Variants in THEMIS2 observed in about 807,000 individuals in gnomAD.
The protein encoded by THEMIS2 is thymocyte selection associated family member 2.
Under a neutral mutation model 46.8 loss-of-function variants are expected in THEMIS2, and 29 were observed. The ratio of observed to expected loss-of-function variants is 0.62; its 90% CI spans 0.46 to 0.84. The LOEUF (loss-of-function observed/expected upper bound fraction) is 0.84. THEMIS2 is among the 40% of genes least tolerant of loss of function. The pLI is 0.00. For missense variants in THEMIS2, 698 were observed against 834.7 expected, an observed-to-expected ratio of 0.84 and a Z score of 2.02; for synonymous variants, 335 against 349.1, an observed-to-expected ratio of 0.96 and a Z score of 0.45.
rs1170835780 is a variant in THEMIS2, at chr1:27,882,965, C to A, written c.1641C>A (p.Ile547=). 2 of 1,613,758 alleles carry A rather than the reference C, an allele frequency of 1.2e-6. No homozygotes were observed. The highest frequency in any genetic ancestry group is 2.2e-5 in the South Asian group (2 of 91,036). The change falls in exon 4 of 6, where the codon ATC becomes ATA. Residue 547 remains isoleucine, a synonymous_variant. Coordinates refer to ENST00000373921, the MANE Select transcript of THEMIS2 (RefSeq NM_001105556.3). The surrounding 1 kb of genome is among the most constrained non-coding windows in gnomAD (Gnocchi z 7.6). Reference sequence around the variant, plus strand: ...TTCGGAAGTTACCAGCCTGTGAGATCCAAGCCCCCCCACCCAGGCCCCCTA... The same window carrying A: ...TTCGGAAGTTACCAGCCTGTGAGATACAAGCCCCCCCACCCAGGCCCCCTA... The part of the protein sequence containing the change: ...YRLRKLPACE[I]QAPPPRPPKN...
intron 1 of THEMIS2, among the ~76,000 whole-genome samples, chr1:27,873,492 C>A (rs962757181): frequency 6.6e-6 from 1 of 152,066 alleles, no homozygotes; most frequent in Non-Finnish European, 1.5e-5. Flanking sequence ...CGAACTGAGG[C>A]TTGAAGGCCC....
At chr1:27,877,601 A>C (rs963965622) in intron 2 of THEMIS2, among the ~76,000 whole-genome samples, 9 of 152,094 alleles carry the variant, frequency 5.9e-5, no homozygotes, top group Non-Finnish European at 1.3e-4. Flanking sequence ...TGCTGGGATT[A>C]CAGGCATGAG....
intron 4 of THEMIS2, 52 bp from the exon 5 acceptor site, chr1:27,885,243 T>G (rs1385732454): frequency 1.6e-5 from 26 of 1,594,494 alleles, no homozygotes; most frequent in Middle Eastern, 1.7e-4. Flanking sequence ...TTTCATGGAC[T>G]CTGCTTCCCC....
rs1262875329 is a variant in THEMIS2 at position 27,882,608 on chromosome 1, C to A, written c.1284C>A (p.Gly428=). The change falls in exon 4 of 6, where the codon GGC becomes GGA. Residue 428 remains glycine, a synonymous_variant. Coordinates refer to ENST00000373921, the MANE Select transcript of THEMIS2 (RefSeq NM_001105556.3). This position sits in a 1 kb window ranked among gnomAD's most constrained non-coding sequence, Gnocchi z 7.6. ...TCCTGCTGCCCTTCCACTTCCCTGGCAGTTTCGTGGAGGAGATGAGTGACA... is the reference window on the plus strand; with the variant it reads ...TCCTGCTGCCCTTCCACTTCCCTGGAAGTTTCGTGGAGGAGATGAGTGACA... ...ERVLLPFHFP[G]SFVEEMSDSR... The A allele has an allele frequency of 1.2e-6, 2 of 1,614,166 alleles. No homozygotes were observed. Among genetic ancestry groups the A allele is most frequent in the Admixed American group, 1.7e-5 (1 of 60,020 alleles).
Position 27,872,698 on chromosome 1 carries a change from C to G in THEMIS2, c.94+33C>G. 1 of 1,275,878 alleles carries G rather than the reference C, an allele frequency of 7.8e-7. No homozygotes were observed. Among genetic ancestry groups the G allele is most frequent in the Non-Finnish European group, 9.9e-7 (1 of 1,005,444 alleles). 79.0% of individuals were successfully genotyped at this position (1,275,878 alleles called of 1,614,324 possible). A position where few individuals can be genotyped will look rare whatever the true frequency, so the allele number is the denominator to read the frequency against. On this transcript the variant is annotated intron_variant, in intron 1 of 5. Transcript: ENST00000373921. The surrounding 1 kb of genome is among the most constrained non-coding windows in gnomAD (Gnocchi z 4.9). ...GGGGCTGGAACCCCTCCGAGCACTC[C>G]CTTGGTGTGGGGCGGGGGCAGAGAC...
At chr1:27,880,146 A>C in intron 3 of THEMIS2, 92 bp downstream of exon 3, 14 of 1,354,716 alleles carry the variant, frequency 1.0e-5, no homozygotes, top group Non-Finnish European at 1.3e-5. Context: ...CCCCCACCCC[A>C]TCCCTGAGGA....
Position 27,879,760 on chromosome 1 carries a change from G to C in THEMIS2, c.352G>C (p.Val118Leu), listed in dbSNP as rs762102564. The C allele has an allele frequency of 1.9e-6, 3 of 1,614,062 alleles. No homozygotes were observed. The highest frequency in any genetic ancestry group is 2.7e-5 in the African/African-American group (2 of 74,912). Residue 118 changes from valine to leucine, a missense_variant, in exon 3 of 6, where the codon GTC becomes CTC. Coordinates refer to ENST00000373921, the MANE Select transcript of THEMIS2 (RefSeq NM_001105556.3). ...PTCFMSTHRIVTEGRVVTEDQ... is the reference protein window; with the variant it reads ...PTCFMSTHRILTEGRVVTEDQ... Reference sequence around the variant, plus strand: ...TTGCTTCATGTCGACCCACAGGATTGTCACAGAGGGCAGGGTGGTGACTGA... The same window carrying C: ...TTGCTTCATGTCGACCCACAGGATTCTCACAGAGGGCAGGGTGGTGACTGA...
chr1:27,882,062 G>A lies in THEMIS2; in HGVS notation c.738G>A (p.Pro246=), dbSNP rs888146271. 5.6e-6 allele frequency: 9 copies of A among 1,614,046 alleles called. No individual in the cohort carries two copies. Among genetic ancestry groups the A allele is most frequent in the South Asian group, 2.2e-5 (2 of 91,088 alleles). Residue 246 remains proline, a synonymous_variant, in exon 4 of 6, where the codon CCG becomes CCA. Transcript: ENST00000373921. The surrounding 1 kb of genome is among the most constrained non-coding windows in gnomAD (Gnocchi z 7.6). ...CCCGGCACGTCCACTTTATCAAACC[G>A]CTGCTGCTGAGCGAGGTCCTGGCCT... The part of the protein sequence containing the change: ...ASSRHVHFIK[P]LLLSEVLAWE...
intron 3 of THEMIS2, 53 bp downstream of exon 3, chr1:27,880,107 G>C: frequency 6.6e-7 from 1 of 1,517,080 alleles, no homozygotes; most frequent in Non-Finnish European, 8.9e-7. Context: ...AAAGAGGGTT[G>C]CCCCTGGGAG....
At chr1:27,876,560 T>C in intron 1 of THEMIS2, 28 bp from the exon 2 acceptor site, 1 of 1,607,760 alleles carries the variant, frequency 6.2e-7, no homozygotes, top group Non-Finnish European at 8.5e-7. Flanking sequence ...CCTTGTCCAA[T>C]GGGGAAATGG....
At position 27,879,608 on chromosome 1, in the gene THEMIS2, C is replaced by T. The variant is rs1382364699; in HGVS notation, c.236-36C>T. On this transcript the variant is annotated intron_variant, in intron 2 of 5. Coordinates refer to ENST00000373921, the MANE Select transcript of THEMIS2 (RefSeq NM_001105556.3). ...AAAGGCCTGCCCCACCCTGACACCC[C>T]ACAGTGACCTGCCTGCTCTCTGCTG... 42 of 1,546,330 alleles carry T rather than the reference C, an allele frequency of 2.7e-5. No homozygotes were observed. The Admixed American group carries it at 7.7e-4, about 28-fold the overall frequency.
At position 27,874,930 on chromosome 1, in the gene THEMIS2, T is replaced by C. The variant is rs550508307; in HGVS notation, c.95-1658T>C. On this transcript the variant is annotated intron_variant, in intron 1 of 5. Transcript: ENST00000373921. ...TCCAGTTCTGCCTCCTATTACCTGA[T>C]CATCATGTACAACCTACTCAGCCCC... Among the ~76,000 whole-genome samples, 149 of 151,726 alleles carry C rather than the reference T, an allele frequency of 9.8e-4. 1 individual carries two copies. The highest frequency in any genetic ancestry group is 3.5e-3 in the African/African-American group (146 of 41,374).
At chr1:27,878,751 T>C (rs2089629707) in intron 2 of THEMIS2, among the ~76,000 whole-genome samples, 1 of 152,132 alleles carries the variant, frequency 6.6e-6, no homozygotes, top group Admixed American at 6.6e-5. Context: ...AAACTTAATT[T>C]TGGTACAGTA....
intron 3 of THEMIS2, 47 bp from the exon 4 acceptor site, chr1:27,881,924 C>T (rs1479020748): frequency 1.3e-6 from 2 of 1,492,522 alleles, no homozygotes; most frequent in East Asian, 2.3e-5. Context: ...GGGTGGGGGC[C>T]ACTCCTGGGG....
At chr1:27,877,180 T>C (rs183484215) in intron 2 of THEMIS2, among the ~76,000 whole-genome samples, 1 of 152,270 alleles carries the variant, frequency 6.6e-6, no homozygotes, top group East Asian at 1.9e-4. Flanking sequence ...GAGAGGGGTC[T>C]GAGCAACAGT....
rs146637443 is a variant in THEMIS2, at chr1:27,874,059, G to A, written c.94+1394G>A. 5.4e-3 allele frequency among the ~76,000 whole-genome samples: 154 copies of A among 28,690 alleles called. No individual in the cohort carries two copies. The African/African-American group carries it at 0.11, about 20-fold the overall frequency. The allele number at this position is 28,690 out of a possible 152,430, so 18.8% of individuals were successfully genotyped here. On this transcript the variant is annotated intron_variant, in intron 1 of 5. Coordinates refer to ENST00000373921, the MANE Select transcript of THEMIS2 (RefSeq NM_001105556.3). Reference sequence around the variant, plus strand: ...TTTTTTTTTTTTTTTTTGAGACAGAGTCTGGCTCTGTTGCCCAGGCTGGAG... The same window carrying A: ...TTTTTTTTTTTTTTTTTGAGACAGAATCTGGCTCTGTTGCCCAGGCTGGAG...
intron 3 of THEMIS2, among the ~76,000 whole-genome samples, chr1:27,880,786 C>G (rs998742559): frequency 1.3e-5 from 2 of 152,052 alleles, no homozygotes; most frequent in Non-Finnish European, 2.9e-5. Context: ...GACCTCATCT[C>G]TCTCTTTTTT....
At chr1:27,879,606 C>T (rs186451576) in intron 2 of THEMIS2, 38 bp from the exon 3 acceptor site, 1,448 of 1,534,348 alleles carry the variant, frequency 9.4e-4, no homozygotes, top group Non-Finnish European at 1.2e-3. Flanking sequence ...ACCCTGACAC[C>T]CCACAGTGAC....
At chr1:27,877,095 T>TGCCA (rs1159040013) in intron 2 of THEMIS2, among the ~76,000 whole-genome samples, 2 of 152,110 alleles carry the variant, frequency 1.3e-5, no homozygotes, top group Non-Finnish European at 2.9e-5. Context: ...ATGAATCAGG[T>TGCCA]GCCACCCTCT....
Sources: allele counts gnomAD v4.1 joint callset (sites outside exome capture counted in the v4.1 genomes callset), GRCh38; gene constraint gnomAD v4.1.1; non-coding constraint Gnocchi (gnomAD v3.1); transcripts MANE v1.5; gene names NCBI Gene and HGNC (gene_info 2026-07-23, HGNC 2026-07-21).